FRMPD4: variants seen among roughly 807,000 people sequenced by gnomAD.
FRMPD4 encodes the protein FERM and PDZ domain-containing protein 4.
FRMPD4 carries 22 observed loss-of-function variants against 94.1 expected under a neutral mutation model. The observed-to-expected ratio is 0.23, with a 90% CI of 0.17 to 0.33. The LOEUF is 0.33. Among genes scored for constraint, FRMPD4 ranks in the 10% least tolerant of loss-of-function variants. The probability of loss-of-function intolerance (pLI) is 1.00; values close to 1 mark genes in which losing one functional copy is unlikely to be tolerated. For missense variants in FRMPD4, 1,111 were observed against 1,339.9 expected (o/e 0.83, Z 2.67); for synonymous variants, 631 against 548.6 (o/e 1.15, Z -2.10).
intron 3 of FRMPD4, among the ~76,000 whole-genome samples, chrX:12,078,783 G>T (rs1439001574): frequency 9.0e-6 from 1 of 111,257 alleles, no homozygotes; most frequent in Non-Finnish European, 1.9e-5. Context: ...AACACCCCTG[G>T]CCTCTGCACA....
intron 4 of FRMPD4, among the ~76,000 whole-genome samples, chrX:12,625,759 GTA>G (rs1324720794): frequency 9.0e-6 from 1 of 111,465 alleles, no homozygotes; most frequent in Non-Finnish European, 1.9e-5. Context: ...GTAATCTATT[GTA>G]TATTTCAAAA....
chrX:12,375,441 G>T (rs910546257), intron 1 of FRMPD4, among the ~76,000 whole-genome samples: 1 of 111,879 alleles, frequency 8.9e-6, no homozygotes, highest in Non-Finnish European at 1.9e-5. Flanking sequence ...TCAGTTCCTT[G>T]CAGTTGCAGG....
chrX:12,673,150 T>C (rs1415470583), intron 4 of FRMPD4, among the ~76,000 whole-genome samples: 1 of 112,040 alleles, frequency 8.9e-6, no homozygotes, highest in Non-Finnish European at 1.9e-5. Flanking sequence ...CTGAGGACTC[T>C]GGGATCAGAC....
intron 3 of FRMPD4, among the ~76,000 whole-genome samples, chrX:11,964,395 C>T (rs777490925): frequency 9.0e-6 from 1 of 110,955 alleles, no homozygotes; most frequent in South Asian, 3.9e-4. Flanking sequence ...CTCCTGACCT[C>T]GGCCTCCCAA....
intron 1 of FRMPD4, among the ~76,000 whole-genome samples, chrX:12,365,993 A>G (rs143049529): frequency 0.012 from 1,323 of 112,494 alleles, 7 homozygotes; most frequent in Non-Finnish European, 0.018. Context: ...TCAAGGGTTC[A>G]GATTGGCAAC....
At chrX:12,570,555 C>CA (rs1222709603) in intron 2 of FRMPD4, among the ~76,000 whole-genome samples, 2 of 111,584 alleles carry the variant, frequency 1.8e-5, no homozygotes, top group East Asian at 5.6e-4. Context: ...CTACACACCT[C>CA]AGCCTCCCAA....
intron 3 of FRMPD4, among the ~76,000 whole-genome samples, chrX:12,105,676 A>C (rs1168383510): frequency 1.8e-5 from 2 of 112,473 alleles, no homozygotes; most frequent in African/African-American, 3.2e-5. Context: ...GTATAGCCTT[A>C]AAGTTAAATT....
chrX:11,843,468 T>G (rs1441910627), intron 1 of FRMPD4, among the ~76,000 whole-genome samples: 1 of 112,161 alleles, frequency 8.9e-6, no homozygotes, highest in Non-Finnish European at 1.9e-5. Flanking sequence ...TTATGTTCTT[T>G]AAAGAAGTTT....
chrX:11,838,817 G>A (rs2053516502), intron 1 of FRMPD4, among the ~76,000 whole-genome samples: 1 of 111,659 alleles, frequency 9.0e-6, no homozygotes. Flanking sequence ...TGTATCAGTA[G>A]TTTCTTTTTC....
At chrX:12,116,512 T>A (rs774514644) in intron 3 of FRMPD4, among the ~76,000 whole-genome samples, 7 of 111,981 alleles carry the variant, frequency 6.3e-5, no homozygotes, top group African/African-American at 1.6e-4. Flanking sequence ...TTGGGGAACC[T>A]CATTTGAACT....
chrX:12,677,939 G>GA (rs917752944), intron 5 of FRMPD4, among the ~76,000 whole-genome samples: 14 of 111,564 alleles, frequency 1.3e-4, no homozygotes, highest in African/African-American at 4.5e-4. Context: ...TTTTTCTTGG[G>GA]AAAAAAAATA....
intron 2 of FRMPD4, among the ~76,000 whole-genome samples, chrX:12,582,893 T>A (rs2058882952): frequency 8.9e-6 from 1 of 111,975 alleles, no homozygotes; most frequent in South Asian, 3.7e-4. Flanking sequence ...ACTGACAGCA[T>A]CTGCTGCCTT....
intron 3 of FRMPD4, among the ~76,000 whole-genome samples, chrX:11,971,042 G>A (rs1380003047): frequency 8.9e-6 from 1 of 112,020 alleles, no homozygotes; most frequent in Non-Finnish European, 1.9e-5. Flanking sequence ...AATTTGTCAG[G>A]GTTTTTTCTA....
chrX:12,287,239 T>C (rs2054614816), intron 1 of FRMPD4, among the ~76,000 whole-genome samples: 1 of 111,827 alleles, frequency 8.9e-6, no homozygotes, highest in Admixed American at 9.5e-5. Flanking sequence ...GGAAGAACAG[T>C]GTGATATGGG....
intron 3 of FRMPD4, among the ~76,000 whole-genome samples, chrX:11,960,976 G>A (rs2054280530): frequency 8.9e-6 from 1 of 111,998 alleles, no homozygotes; most frequent in Non-Finnish European, 1.9e-5. Context: ...AGGACCTAGG[G>A]GATGGAATCA....
chrX:12,568,396 T>A (rs111666430), intron 2 of FRMPD4, among the ~76,000 whole-genome samples: 4,313 of 112,302 alleles, frequency 0.038, 86 homozygotes, highest in Middle Eastern at 0.11. Context: ...AAAGGCCAAT[T>A]GATAAAATAT....
intron 3 of FRMPD4, among the ~76,000 whole-genome samples, chrX:12,096,713 G>A (rs964681939): frequency 1.4e-4 from 15 of 111,086 alleles, no homozygotes; most frequent in East Asian, 2.8e-4. Flanking sequence ...AGCAAGACCC[G>A]ATTTCTCAAA....
intron 1 of FRMPD4, among the ~76,000 whole-genome samples, chrX:12,323,351 G>T (rs1326180888): frequency 8.9e-6 from 1 of 112,261 alleles, no homozygotes; most frequent in Non-Finnish European, 1.9e-5. Flanking sequence ...GATCTGACAA[G>T]GCTTTTGGGC....
intron 1 of FRMPD4, among the ~76,000 whole-genome samples, chrX:12,252,537 T>C (rs1413234659): frequency 8.9e-6 from 1 of 112,323 alleles, no homozygotes; most frequent in Non-Finnish European, 1.9e-5. Flanking sequence ...TTGATTCTTC[T>C]ACCTTATCTA....
Sources: gnomAD v4.1 joint callset for allele counts (sites outside exome capture counted in the v4.1 genomes callset) on GRCh38, gnomAD v4.1.1 for gene constraint, MANE v1.5 for transcripts, NCBI Gene and HGNC (gene_info 2026-07-23, HGNC 2026-07-21) for gene names.